IFT43: variants seen among roughly 807,000 people sequenced by gnomAD.
IFT43 encodes the protein intraflagellar transport protein 43 homolog.
IFT43 carries 33 observed loss-of-function variants against 32.3 expected under a neutral mutation model. The ratio of observed to expected loss-of-function variants is 1.02; its 90% CI spans 0.77 to 1.37. The LOEUF (loss-of-function observed/expected upper bound fraction) is 1.37, where lower values mean the gene tolerates loss of function less well. IFT43 is among the 40% of genes most tolerant of loss of function. The pLI, the probability that IFT43 is intolerant of heterozygous loss-of-function variation, is 0.00. For synonymous variants in IFT43, 93 were observed against 98.2 expected (o/e 0.95, Z 0.31); for missense variants, 274 against 265.9 (o/e 1.03, Z -0.21).
intron 3 of IFT43, among the ~76,000 whole-genome samples, chr14:76,042,289 C>T (rs548702859): frequency 6.6e-6 from 1 of 151,778 alleles, no homozygotes; most frequent in African/African-American, 2.4e-5. Context: ...GTAACTTGCT[C>T]AGAGTCATAC....
intron 5 of IFT43, among the ~76,000 whole-genome samples, chr14:76,060,211 G>GTTATTA (rs926453770): frequency 6.6e-5 from 10 of 151,658 alleles, no homozygotes; most frequent in African/African-American, 1.9e-4. Context: ...AATTATTATT[G>GTTATTA]TTATTATTAT....
At chr14:76,068,107 C>G (rs2037257565) in intron 5 of IFT43, among the ~76,000 whole-genome samples, 1 of 152,144 alleles carries the variant, frequency 6.6e-6, no homozygotes, top group South Asian at 2.1e-4. Context: ...AATGGTCATT[C>G]CTGTGTTAGT....
intron 2 of IFT43, among the ~76,000 whole-genome samples, chr14:75,999,281 A>ATATATAT (rs1566699821): frequency 1.5e-4 from 6 of 39,046 alleles, no homozygotes; most frequent in Admixed American, 2.9e-4. Flanking sequence ...ATGTATATAT[A>ATATATAT]TTTTTTTTTT....
intron 5 of IFT43, among the ~76,000 whole-genome samples, chr14:76,079,203 T>C (rs551795903): frequency 1.3e-5 from 2 of 152,344 alleles, no homozygotes; most frequent in African/African-American, 4.8e-5. Flanking sequence ...CCATTACTCA[T>C]AGATTCACTC....
At chr14:76,060,590 G>C (rs2037111985) in intron 5 of IFT43, among the ~76,000 whole-genome samples, 1 of 151,516 alleles carries the variant, frequency 6.6e-6, no homozygotes, top group African/African-American at 2.4e-5. Flanking sequence ...TGTTTGTGTA[G>C]ATCCTAGTTT....
chr14:76,002,449 A>G (rs1211884072), intron 2 of IFT43, among the ~76,000 whole-genome samples: 1 of 152,118 alleles, frequency 6.6e-6, no homozygotes, highest in African/African-American at 2.4e-5. Flanking sequence ...GGAAGTTGTT[A>G]GATGAGGAGG....
At chr14:76,066,254 T>C (rs2037223000) in intron 5 of IFT43, among the ~76,000 whole-genome samples, 1 of 152,276 alleles carries the variant, frequency 6.6e-6, no homozygotes, top group Admixed American at 6.5e-5. Context: ...AAACTTGATA[T>C]GTGAAATTTG....
chr14:76,071,592 G>A (rs995543129), intron 5 of IFT43, among the ~76,000 whole-genome samples: 1 of 152,292 alleles, frequency 6.6e-6, no homozygotes, highest in East Asian at 1.9e-4. Flanking sequence ...GAAGAGATGG[G>A]CAGCAGCACC....
chr14:76,062,097 G>A (rs960938246), intron 5 of IFT43, among the ~76,000 whole-genome samples: 3 of 149,722 alleles, frequency 2.0e-5, no homozygotes, highest in Non-Finnish European at 3.0e-5. Flanking sequence ...TTTAAACAGA[G>A]TCTCACTCTG....
chr14:76,003,650 A>G (rs1185191577), intron 2 of IFT43, among the ~76,000 whole-genome samples: 1 of 151,750 alleles, frequency 6.6e-6, no homozygotes, highest in Non-Finnish European at 1.5e-5. Flanking sequence ...AAATTATGCC[A>G]CTTCATATAA....
At chr14:76,036,225 A>G (rs2036594797) in intron 3 of IFT43, among the ~76,000 whole-genome samples, 1 of 152,172 alleles carries the variant, frequency 6.6e-6, no homozygotes, top group Admixed American at 6.5e-5. Context: ...TCCAGGTCAT[A>G]TTGAGTTACT....
At chr14:75,993,078 C>T (rs937505038) in intron 2 of IFT43, among the ~76,000 whole-genome samples, 1 of 152,168 alleles carries the variant, frequency 6.6e-6, no homozygotes, top group South Asian at 2.1e-4. Context: ...TGATATAACC[C>T]TTAACTTAGT....
intron 3 of IFT43, among the ~76,000 whole-genome samples, chr14:76,043,025 C>G (rs2036735964): frequency 6.6e-6 from 1 of 152,116 alleles, no homozygotes; most frequent in South Asian, 2.1e-4. Context: ...GAGCCCTGGG[C>G]TGGGATGAGA....
At chr14:76,064,566 G>A (rs1157157644) in intron 5 of IFT43, among the ~76,000 whole-genome samples, 1 of 152,198 alleles carries the variant, frequency 6.6e-6, no homozygotes, top group East Asian at 1.9e-4. Context: ...GAGTGGTAAT[G>A]GAGGCTGGTT....
At chr14:75,999,651 G>C (rs1180195266) in intron 2 of IFT43, among the ~76,000 whole-genome samples, 1 of 152,124 alleles carries the variant, frequency 6.6e-6, no homozygotes, top group African/African-American at 2.4e-5. Context: ...GTTAGGGAAG[G>C]CTTTCTAAAA....
chr14:76,032,712 C>T (rs921679064), intron 3 of IFT43, among the ~76,000 whole-genome samples: 6 of 152,218 alleles, frequency 3.9e-5, no homozygotes, highest in South Asian at 2.1e-4. Context: ...TATTTTTAAA[C>T]GGTCACTTTA....
intron 5 of IFT43, among the ~76,000 whole-genome samples, chr14:76,066,577 G>C (rs377571836): frequency 4.7e-4 from 71 of 152,352 alleles, no homozygotes; most frequent in African/African-American, 1.7e-3. Context: ...CTGCTCCTTT[G>C]AACTTAGAAT....
intron 2 of IFT43, among the ~76,000 whole-genome samples, chr14:75,999,240 T>TAAA (rs1167945114): frequency 1.9e-4 from 2 of 10,604 alleles, no homozygotes; most frequent in Non-Finnish European, 3.6e-4. Flanking sequence ...TATATATATA[T>TAAA]ATATATATAT....
chr14:76,004,641 G>A lies in IFT43; in HGVS notation c.147+15664G>A, dbSNP rs1288596771. On this transcript the variant is annotated intron_variant, in intron 2 of 8. Transcript: ENST00000314067. ...TCTGCCCTATTTTCTTTCTCTTTGT[G>A]CCTGGGACTCTAGTTGCATAAATGT... Among the ~76,000 whole-genome samples, 6 of 152,070 alleles carry A rather than the reference G, an allele frequency of 3.9e-5. No homozygotes were observed. The South Asian group carries it at 8.3e-4, about 21-fold the overall frequency.
Sources: allele counts gnomAD v4.1 joint callset (sites outside exome capture counted in the v4.1 genomes callset), GRCh38; gene constraint gnomAD v4.1.1; transcripts MANE v1.5; gene names NCBI Gene and HGNC (gene_info 2026-07-23, HGNC 2026-07-21).